The following EPHB1 variants were observed in gnomAD, a reference collection of about 807,000 sequenced individuals.
EPHB1 encodes the protein EPH receptor B1.
Under a neutral mutation model 94.4 loss-of-function variants are expected in EPHB1, and 30 were observed. The ratio of observed to expected loss-of-function variants is 0.32; its 90% confidence interval spans 0.24 to 0.43. The LOEUF is 0.43. Among genes scored for constraint, EPHB1 ranks in the 20% least tolerant of loss-of-function variants. The pLI, the probability that EPHB1 is intolerant of heterozygous loss-of-function variation, is 1.00. For missense variants in EPHB1, 1,055 were observed against 1,308.3 expected (o/e 0.81, Z 2.99); for synonymous variants, 522 against 489.1 (o/e 1.07, Z -0.89).
At chr3:135,258,956 C>T in intron 15 of EPHB1, 56 bp from the exon 16 acceptor site, 2 of 1,364,208 alleles carry the variant, frequency 1.5e-6, no homozygotes, top group South Asian at 1.2e-5. Context: ...GAGTTTTGAT[C>T]TGCGAAAAGC....
chr3:135,173,224 C>T lies in EPHB1; in HGVS notation c.1759+6218C>T, dbSNP rs935637259. Among the ~76,000 whole-genome samples the T allele has an allele frequency of 2.6e-5, 4 of 151,528 alleles. 1 individual carries two copies. Among genetic ancestry groups the T allele is most frequent in the South Asian group, 2.1e-4 (1 of 4,746 alleles). ...TAATTTTTTGTATTTTTAGTAGAGACGGGGTTTCACCGTTTTAGCCGGGAT... is the reference window on the plus strand; with the variant it reads ...TAATTTTTTGTATTTTTAGTAGAGATGGGGTTTCACCGTTTTAGCCGGGAT... On this transcript the variant is annotated intron_variant, in intron 9 of 15. Coordinates refer to ENST00000398015, the MANE Select transcript of EPHB1 (RefSeq NM_004441.5).
At chr3:135,235,211 A>G (rs1943622563) in intron 12 of EPHB1, among the ~76,000 whole-genome samples, 1 of 152,230 alleles carries the variant, frequency 6.6e-6, no homozygotes, top group Non-Finnish European at 1.5e-5. Context: ...TGTTGAGCCC[A>G]GTCATGAAGC....
chr3:135,185,671 C>T (rs924759326), intron 10 of EPHB1, among the ~76,000 whole-genome samples: 1 of 152,184 alleles, frequency 6.6e-6, no homozygotes, highest in African/African-American at 2.4e-5. Context: ...TAGAGCTGAT[C>T]CAGATCTGGA....
At chr3:134,799,550 G>T (rs1244953545) in intron 1 of EPHB1, among the ~76,000 whole-genome samples, 1 of 152,226 alleles carries the variant, frequency 6.6e-6, no homozygotes, top group Non-Finnish European at 1.5e-5. Context: ...GCAATGGCTT[G>T]GGAAAAGTCT....
chr3:134,982,538 T>C (rs1303449211), intron 3 of EPHB1, among the ~76,000 whole-genome samples: 1 of 152,212 alleles, frequency 6.6e-6, no homozygotes, highest in Non-Finnish European at 1.5e-5. Flanking sequence ...TCATCAGCTC[T>C]GTCCCTCAGT....
rs553783000 is a variant in EPHB1, at chr3:135,153,496, C to A, written c.1298-656C>A. Among the ~76,000 whole-genome samples, 6 of 152,308 alleles carry A rather than the reference C, an allele frequency of 3.9e-5. No individual in the cohort carries two copies. The East Asian group carries it at 1.2e-3, about 29-fold the overall frequency. ...GTTCCCAAATGTTTGATTTGTTTAT[C>A]ATTTCTTCATTTATACTTGTGAACT... On this transcript the variant is annotated intron_variant, in intron 5 of 15. Coordinates refer to ENST00000398015, the MANE Select transcript of EPHB1 (RefSeq NM_004441.5).
chr3:135,062,270 A>AT lies in EPHB1; in HGVS notation c.806-44173dup, dbSNP rs1474952561. Among the ~76,000 whole-genome samples the AT allele has an allele frequency of 2.0e-5, 3 of 152,236 alleles. No individual in the cohort carries two copies. In the East Asian group the frequency reaches 5.8e-4, roughly 29 times the overall value. Reference sequence around the variant, plus strand: ...TAGTTATTTAAGGAATCTCCACACTATTTTTCATAGTGGCTGTACTAGTTT... The same window carrying AT: ...TAGTTATTTAAGGAATCTCCACACTATTTTTTCATAGTGGCTGTACTAGTTT... On this transcript the variant is annotated intron_variant, in intron 3 of 15. Coordinates refer to ENST00000398015, the MANE Select transcript of EPHB1 (RefSeq NM_004441.5).
chr3:135,114,940 C>T lies in EPHB1; in HGVS notation c.961+8337C>T, dbSNP rs1439807609. Reference sequence around the variant, plus strand: ...CCTTCAATATACAAGTATTTGTATACTTTTAGAAGTTACTCTTGTGGAAAT... The same window carrying T: ...CCTTCAATATACAAGTATTTGTATATTTTTAGAAGTTACTCTTGTGGAAAT... On this transcript the variant is annotated intron_variant, in intron 4 of 15. Coordinates refer to ENST00000398015, the MANE Select transcript of EPHB1 (RefSeq NM_004441.5). Among the ~76,000 whole-genome samples, 3 of 152,154 alleles carry T rather than the reference C, an allele frequency of 2.0e-5. No individual in the cohort carries two copies. In the South Asian group the frequency reaches 6.2e-4, roughly 32 times the overall value.
chr3:135,056,860 C>T lies in EPHB1; in HGVS notation c.806-49588C>T, dbSNP rs762548047. ...CTGAGGTGTAGGGGAGGCATCCAGG[C>T]GGTGAGCCCCAAGGGCTGCCATGCT... On this transcript the variant is annotated intron_variant, in intron 3 of 15. Transcript: ENST00000398015. 1.7e-4 allele frequency among the ~76,000 whole-genome samples: 26 copies of T among 152,200 alleles called. No individual in the cohort carries two copies. The Middle Eastern group carries it at 0.02, about 119-fold the overall frequency.
At chr3:135,146,878 G>C (rs2107692388) in intron 5 of EPHB1, among the ~76,000 whole-genome samples, 1 of 152,286 alleles carries the variant, frequency 6.6e-6, no homozygotes, top group Admixed American at 6.5e-5. Flanking sequence ...GGATAGTTTG[G>C]GGTGGTTGCC....
chr3:134,925,980 A>T, intron 2 of EPHB1, 100 bp downstream of exon 2: 1 of 1,065,976 alleles, frequency 9.4e-7, no homozygotes, highest in Non-Finnish European at 1.3e-6. Flanking sequence ...CCTGTGGGGA[A>T]TGGAATACAG....
chr3:135,236,826 G>A (rs1943666064), intron 12 of EPHB1, among the ~76,000 whole-genome samples: 1 of 152,200 alleles, frequency 6.6e-6, no homozygotes, highest in Non-Finnish European at 1.5e-5. Context: ...CTGTAGCAAT[G>A]CCCAGACACA....
At chr3:134,810,760 G>T (rs1473687721) in intron 1 of EPHB1, among the ~76,000 whole-genome samples, 2 of 152,148 alleles carry the variant, frequency 1.3e-5, no homozygotes, top group African/African-American at 4.8e-5. Flanking sequence ...CTCCAGATAG[G>T]AATGGAAAGA....
chr3:134,901,702 C>G (rs1334350330), intron 1 of EPHB1, among the ~76,000 whole-genome samples: 1 of 152,194 alleles, frequency 6.6e-6, no homozygotes, highest in Non-Finnish European at 1.5e-5. Flanking sequence ...GCCATGGGTG[C>G]AGCTTGGGCA....
intron 15 of EPHB1, among the ~76,000 whole-genome samples, chr3:135,257,066 A>G (rs1933428266): frequency 6.9e-6 from 1 of 145,670 alleles, no homozygotes; most frequent in African/African-American, 2.6e-5. Flanking sequence ...TTTCAGCTCC[A>G]TCAGCTCCTT....
At chr3:135,036,031 C>T (rs560700734) in intron 3 of EPHB1, among the ~76,000 whole-genome samples, 1 of 152,352 alleles carries the variant, frequency 6.6e-6, no homozygotes, top group South Asian at 2.1e-4. Context: ...CTTCCATCCA[C>T]TCGTCTCTCC....
chr3:134,898,619 G>A (rs1222245505), intron 1 of EPHB1, among the ~76,000 whole-genome samples: 2 of 152,192 alleles, frequency 1.3e-5, no homozygotes, highest in African/African-American at 4.8e-5. Context: ...AAGCAATTTT[G>A]TGTTTTCTAG....
intron 3 of EPHB1, among the ~76,000 whole-genome samples, chr3:135,068,938 A>G (rs1937624808): frequency 6.6e-6 from 1 of 151,148 alleles, no homozygotes; most frequent in South Asian, 2.1e-4. Flanking sequence ...GGGGCTTCTT[A>G]GATATGACAC....
intron 4 of EPHB1, among the ~76,000 whole-genome samples, chr3:135,110,834 T>G (rs889233012): frequency 2.0e-5 from 3 of 152,118 alleles, no homozygotes; most frequent in African/African-American, 4.8e-5. Flanking sequence ...GGCAGTTGTT[T>G]CCCTCTTTTA....
Sources: allele counts gnomAD v4.1 joint callset (sites outside exome capture counted in the v4.1 genomes callset), GRCh38; gene constraint gnomAD v4.1.1; transcripts MANE v1.5; gene names NCBI Gene and HGNC (gene_info 2026-07-23, HGNC 2026-07-21).